The following EIF4A2 variants were observed in gnomAD, a reference collection of about 807,000 sequenced individuals.
EIF4A2 encodes the protein eukaryotic initiation factor 4A-II.
EIF4A2 carries 9 observed loss-of-function variants against 50.6 expected under a neutral mutation model. The ratio of observed to expected loss-of-function variants is 0.18; its 90% CI spans 0.11 to 0.31. The LOEUF (loss-of-function observed/expected upper bound fraction) is 0.31. Among genes scored for constraint, EIF4A2 ranks in the 10% least tolerant of loss-of-function variants. The pLI, the probability that EIF4A2 is intolerant of heterozygous loss-of-function variation, is 1.00. For synonymous variants in EIF4A2, 215 were observed against 164.4 expected (o/e 1.31, Z -2.35); for missense variants, 182 against 501.8 (o/e 0.36, Z 6.09).
At chr3:186,786,774 A>G in intron 7 of EIF4A2, 129 bp downstream of exon 7, 1 of 1,286,796 alleles carries the variant, frequency 7.8e-7, no homozygotes. Context: ...GAAAAGTAAC[A>G]GCACTAGATT....
chr3:186,783,812 A>G, intron 1 of EIF4A2, 173 bp downstream of exon 1: 3 of 1,035,856 alleles, frequency 2.9e-6, no homozygotes, highest in East Asian at 4.9e-5. Flanking sequence ...GATTGTGGGG[A>G]GATAGGACGG....
intron 8 of EIF4A2, 81 bp from the exon 9 acceptor site, chr3:186,787,414 A>T: frequency 6.2e-7 from 1 of 1,608,260 alleles, no homozygotes; most frequent in African/African-American, 1.3e-5. Context: ...GCAGCCAGGG[A>T]CGCTTGGTCT....
Position 186,783,600 on chromosome 3 carries a change from T to C in EIF4A2, c.-11T>C, listed in dbSNP as rs1050431055. The C allele has an allele frequency of 1.4e-5, 23 of 1,613,708 alleles. No individual in the cohort carries two copies. The highest frequency in any genetic ancestry group is 9.4e-5 in the African/African-American group (7 of 74,786). On this transcript the variant is annotated 5_prime_UTR_variant, in exon 1 of 11. Transcript: ENST00000323963. ...GTCTTTTCAGTCGGGCGCTGAGTGG[T>C]TTTTCGGATCATGTCTGGTGGCTCC...
Position 186,785,719 on chromosome 3 carries a change from T to C in EIF4A2, c.349-164T>C, listed in dbSNP as rs763560835. ...CATAAGAAAGACATTAAGGGAATTT[T>C]ACCTTGCAGCAGTTAGGTCGTCTGC... On this transcript the variant is annotated intron_variant, in intron 4 of 10. Coordinates refer to ENST00000323963, the MANE Select transcript of EIF4A2 (RefSeq NM_001967.4). The C allele has an allele frequency of 1.1e-5, 9 of 834,244 alleles. No homozygotes were observed. In the Admixed American group the frequency reaches 1.8e-4, roughly 17 times the overall value. The allele number at this position is 834,244 out of a possible 1,614,324, so 51.7% of individuals were successfully genotyped here. A position where few individuals can be genotyped will look rare whatever the true frequency, so the allele number is the denominator to read the frequency against.
intron 4 of EIF4A2, chr3:186,785,605 C>G (rs1308098159): frequency 3.0e-5 from 12 of 399,104 alleles, no homozygotes; most frequent in Non-Finnish European, 5.0e-5. Flanking sequence ...CTACGTACTC[C>G]CTACCTACAG....
In EIF4A2 at chr3:186,786,166, C is replaced by G; in HGVS notation, c.520C>G (p.Pro174Ala). ...CAGTATGACTTTGTTTCTAACAGCT[C>G]CAAAATGGATCAAAATGTTTGTTTT... ...FDMLNRRYLS[P>A]KWIKMFVLDE... Residue 174 changes from proline to alanine, a missense_variant and splice_region_variant, in exon 6 of 11, where the codon CCA becomes GCA. Pro to Ala is a conservative substitution (Grantham distance 27). Coordinates refer to ENST00000323963, the MANE Select transcript of EIF4A2 (RefSeq NM_001967.4). 1 of 1,613,270 alleles carries G rather than the reference C, an allele frequency of 6.2e-7. No individual in the cohort carries two copies. Among genetic ancestry groups the G allele is most frequent in the Non-Finnish European group, 8.5e-7 (1 of 1,179,534 alleles).
intron 10 of EIF4A2, 104 bp downstream of exon 10, chr3:186,787,986 C>CAGT (rs1175827050): frequency 1.2e-5 from 14 of 1,153,606 alleles, no homozygotes; most frequent in Non-Finnish European, 1.6e-5. Context: ...TCAGTAAAGT[C>CAGT]AGTAGTGTTC....
intron 7 of EIF4A2, 192 bp downstream of exon 7, chr3:186,786,837 AT>A (rs1197360908): frequency 8.8e-6 from 8 of 908,190 alleles, no homozygotes; most frequent in Non-Finnish European, 1.5e-5. Flanking sequence ...TTGTCTTAAG[AT>A]TTGGTGCAAT....
In EIF4A2 at chr3:186,786,555, A is replaced by G; in HGVS notation, c.681A>G (p.Lys227=). 1.2e-6 allele frequency: 2 copies of G among 1,613,320 alleles called. No individual in the cohort carries two copies. Among genetic ancestry groups the G allele is most frequent in the Non-Finnish European group, 1.7e-6 (2 of 1,179,982 alleles). ...CTGATGTGTTGGAAGTGACCAAAAAATTCATGAGAGATCCAATTCGAATTC... is the reference window on the plus strand; with the variant it reads ...CTGATGTGTTGGAAGTGACCAAAAAGTTCATGAGAGATCCAATTCGAATTC... The part of the protein sequence containing the change: ...MPTDVLEVTK[K]FMRDPIRILV... Residue 227 remains lysine, a synonymous_variant, in exon 7 of 11, where the codon AAA becomes AAG. Coordinates refer to ENST00000323963, the MANE Select transcript of EIF4A2 (RefSeq NM_001967.4).
At chr3:186,788,419 C>T (rs897279140) in intron 10 of EIF4A2, 12 of 1,249,154 alleles carry the variant, frequency 9.6e-6, no homozygotes, top group African/African-American at 1.6e-5. Context: ...AAGAGCGAGT[C>T]GGTATTTATA....
chr3:186,784,453 A>C lies in EIF4A2; in HGVS notation c.51A>C (p.Gly17=), dbSNP rs1385890435. 1 of 1,614,046 alleles carries C rather than the reference A, an allele frequency of 6.2e-7. No individual in the cohort carries two copies. The highest frequency in any genetic ancestry group is 2.2e-5 in the East Asian group (1 of 44,892). The change falls in exon 2 of 11, where the codon GGA becomes GGC. Residue 17 remains glycine (G), a synonymous_variant. Transcript: ENST00000323963. ...GCAGAGAACATGGCGGCCCAGAGGG[A>C]ATGGACCCCGATGGTGTCATCGAGG... ...DYNREHGGPE[G]MDPDGVIESN... is the part of the protein sequence containing the mutation.
chr3:186,783,780 C>G lies in EIF4A2; in HGVS notation c.29+141C>G, dbSNP rs554807495. On this transcript the variant is annotated intron_variant, in intron 1 of 10. Transcript: ENST00000323963. ...CAGCACTCCTGTGCCCTTCCAGAAG[C>G]TTCCATGATGGGTAGGGCCCGGATT... 2,041 of 1,348,610 alleles carry G rather than the reference C, an allele frequency of 1.5e-3. 5 individuals carry two copies. Among genetic ancestry groups the G allele is most frequent in the Non-Finnish European group, 2.0e-3 (1,874 of 952,454 alleles). 83.5% of individuals were successfully genotyped at this position (1,348,610 alleles called of 1,614,324 possible).
intron 7 of EIF4A2, 162 bp downstream of exon 7, chr3:186,786,807 T>C: frequency 1.0e-6 from 1 of 1,004,200 alleles, no homozygotes; most frequent in Non-Finnish European, 1.6e-6. Context: ...GTGGACCTCT[T>C]TCTTAATGTC....
Position 186,786,659 on chromosome 3 carries a change from T to G in EIF4A2, c.771+14T>G. ...GTTGAGAGAGAGGTAACTGTCTGATTGTTAGACATTATTTTACCTTCTTGT... is the reference window on the plus strand; with the variant it reads ...GTTGAGAGAGAGGTAACTGTCTGATGGTTAGACATTATTTTACCTTCTTGT... On this transcript the variant is annotated intron_variant, in intron 7 of 10. Transcript: ENST00000323963. The G allele has an allele frequency of 6.2e-7, 1 of 1,613,832 alleles. No homozygotes were observed. The highest frequency in any genetic ancestry group is 8.5e-7 in the Non-Finnish European group (1 of 1,179,790).
intron 1 of EIF4A2, 97 bp downstream of exon 1, chr3:186,783,736 T>C (rs750281184): frequency 1.8e-5 from 28 of 1,590,606 alleles, no homozygotes; most frequent in East Asian, 4.5e-5. Flanking sequence ...TCTAAATTAA[T>C]GGACGTTTTC....
rs201168774 is a variant in EIF4A2 at position 186,787,207 on chromosome 3, C to T, written c.852C>T (p.Arg284=). ...CTGTTATTTTTCTCAATACGAGGCGCAAGGTGGACTGGCTGACTGAGAAGA... is the reference window on the plus strand; with the variant it reads ...CTGTTATTTTTCTCAATACGAGGCGTAAGGTGGACTGGCTGACTGAGAAGA... ...TQAVIFLNTR[R]KVDWLTEKMH... Residue 284 remains arginine, a synonymous_variant, in exon 8 of 11, where the codon CGC becomes CGT. Transcript: ENST00000323963. 2.7e-5 allele frequency: 43 copies of T among 1,614,124 alleles called. No homozygotes were observed. The Admixed American group carries it at 3.3e-4, about 13-fold the overall frequency.
At chr3:186,787,403 A>G in intron 8 of EIF4A2, 92 bp from the exon 9 acceptor site, 2 of 1,607,780 alleles carry the variant, frequency 1.2e-6, no homozygotes, top group Non-Finnish European at 1.7e-6. Context: ...ATTCTCCTGT[A>G]GCAGCCAGGG....
At position 186,783,864 on chromosome 3, in the gene EIF4A2, G is replaced by A. The variant is rs896682835; in HGVS notation, c.29+225G>A. On this transcript the variant is annotated intron_variant, in intron 1 of 10. Transcript: ENST00000323963. ...GCTAAAGGGCGTTTTTCCTCTCTAA[G>A]ACATTACGAAACTTCGGCTGCTTTC... 3 of 620,034 alleles carry A rather than the reference G, an allele frequency of 4.8e-6. No individual in the cohort carries two copies. In the South Asian group the frequency reaches 6.4e-5, roughly 13 times the overall value. 38.4% of individuals were successfully genotyped at this position (620,034 alleles called of 1,614,324 possible).
chr3:186,787,328 C>G, intron 8 of EIF4A2, 64 bp downstream of exon 8: 1 of 1,613,128 alleles, frequency 6.2e-7, no homozygotes, highest in Non-Finnish European at 8.5e-7. Flanking sequence ...AATATAGCTG[C>G]TAAGTGCTGT....
Sources: gnomAD v4.1 joint callset for allele counts on GRCh38, gnomAD v4.1.1 for gene constraint, MANE v1.5 for transcripts, NCBI Gene and HGNC (gene_info 2026-07-23, HGNC 2026-07-21) for gene names.